Variants in RBFOX1 observed in about 807,000 individuals in gnomAD.
RBFOX1 encodes RNA binding fox-1 homolog 1, also known as RNA binding protein fox-1 homolog 1.
Under a neutral mutation model 57.7 loss-of-function variants are expected in RBFOX1, and 8 were observed. The ratio of observed to expected loss-of-function variants is 0.14; its 90% CI spans 0.08 to 0.25. The LOEUF (loss-of-function observed/expected upper bound fraction) is 0.25, where lower values mean the gene tolerates loss of function less well. Among genes scored for constraint, RBFOX1 ranks in the 10% least tolerant of loss-of-function variants. The pLI is 1.00. For missense variants in RBFOX1, 611 were observed against 548.5 expected, an observed-to-expected ratio of 1.11 and a Z score of -1.14; for synonymous variants, 326 against 222.4, an observed-to-expected ratio of 1.47 and a Z score of -4.15.
intron 1 of RBFOX1, among the ~76,000 whole-genome samples, chr16:6,284,466 C>T (rs750796334): frequency 2.0e-5 from 3 of 152,136 alleles, no homozygotes; most frequent in Non-Finnish European, 1.5e-5. Flanking sequence ...TTGAGGACAG[C>T]AGCCTGCAGA....
At chr16:7,243,608 C>T (rs572137459) in intron 4 of RBFOX1, among the ~76,000 whole-genome samples, 1 of 152,218 alleles carries the variant, frequency 6.6e-6, no homozygotes, top group South Asian at 2.1e-4. Context: ...AATGCAGTGG[C>T]ATGATAATAG....
At chr16:6,790,684 G>T (rs1411424141) in intron 3 of RBFOX1, among the ~76,000 whole-genome samples, 1 of 152,040 alleles carries the variant, frequency 6.6e-6, no homozygotes, top group Non-Finnish European at 1.5e-5. Flanking sequence ...TTGTATGGTG[G>T]ATGTGATTTC....
intron 3 of RBFOX1, among the ~76,000 whole-genome samples, chr16:6,679,892 T>G (rs967269776): frequency 3.8e-4 from 57 of 150,144 alleles, no homozygotes; most frequent in African/African-American, 1.3e-3. Context: ...TTTTTTTTTT[T>G]TTTTTTTTTT....
chr16:6,934,171 G>A (rs2077002450), intron 3 of RBFOX1, among the ~76,000 whole-genome samples: 1 of 152,144 alleles, frequency 6.6e-6, no homozygotes. Flanking sequence ...TTTCCTAACA[G>A]TATGTGCATA....
chr16:7,501,354 C>T (rs776089579), intron 4 of RBFOX1, among the ~76,000 whole-genome samples: 2 of 152,192 alleles, frequency 1.3e-5, no homozygotes, highest in Non-Finnish European at 2.9e-5. Flanking sequence ...ATTCATAAGA[C>T]AAAGGAATGC....
intron 3 of RBFOX1, among the ~76,000 whole-genome samples, chr16:5,791,187 C>T (rs768735099): frequency 1.1e-4 from 17 of 152,132 alleles, no homozygotes; most frequent in Non-Finnish European, 1.9e-4. Context: ...TAATTTGTCA[C>T]GCATGACTCA....
intron 4 of RBFOX1, among the ~76,000 whole-genome samples, chr16:5,921,271 T>A (rs1429727678): frequency 6.6e-6 from 1 of 152,212 alleles, no homozygotes; most frequent in Non-Finnish European, 1.5e-5. Flanking sequence ...GATCTTTCCC[T>A]CTTTCGCCTC....
At chr16:5,427,754 G>A (rs951380206) in intron 1 of RBFOX1, among the ~76,000 whole-genome samples, 27 of 152,146 alleles carry the variant, frequency 1.8e-4, no homozygotes, top group African/African-American at 6.3e-4. Flanking sequence ...TTTTGCTCAT[G>A]CCTTCACCTG....
intron 4 of RBFOX1, among the ~76,000 whole-genome samples, chr16:7,178,939 C>G (rs778371220): frequency 2.2e-4 from 33 of 152,310 alleles, no homozygotes; most frequent in Non-Finnish European, 4.4e-4. Context: ...AAGTCTCTCT[C>G]TGTTTATGGT....
At chr16:6,619,612 CT>C (rs1234963151) in intron 2 of RBFOX1, among the ~76,000 whole-genome samples, 3 of 151,392 alleles carry the variant, frequency 2.0e-5, no homozygotes, top group African/African-American at 7.3e-5. Context: ...AGGAGACTGC[CT>C]TTTTGGTGTG....
chr16:5,890,872 A>T (rs2058030174), intron 4 of RBFOX1, among the ~76,000 whole-genome samples: 1 of 152,108 alleles, frequency 6.6e-6, no homozygotes. Flanking sequence ...CAGGAAATGG[A>T]ATACGGTCAA....
intron 2 of RBFOX1, chr16:5,598,865 C>T (rs1182245738): frequency 6.9e-7 from 1 of 1,448,588 alleles, no homozygotes; most frequent in South Asian, 1.4e-5. Flanking sequence ...AACCCGGCTT[C>T]CCCAACCTTT....
At chr16:5,381,483 A>G (rs2066129799) in intron 1 of RBFOX1, among the ~76,000 whole-genome samples, 1 of 151,682 alleles carries the variant, frequency 6.6e-6, no homozygotes. Flanking sequence ...AAGATTCTGC[A>G]TTTCTAGCAA....
rs558701397 is a variant in RBFOX1 at position 5,629,010 on chromosome 16, A to G, written c.318+30049A>G. 2.0e-5 allele frequency among the ~76,000 whole-genome samples: 3 copies of G among 152,336 alleles called. No homozygotes were observed. The South Asian group carries it at 6.2e-4, about 32-fold the overall frequency. ...GTGAGTGCGATTAAATGTCTTTCTA[A>G]TGATGCCATCCAGGCCCCAAGCACC... On this transcript the variant is annotated intron_variant, in intron 3 of 19. Transcript: ENST00000641259.
chr16:7,041,572 G>A (rs535501988), intron 3 of RBFOX1, among the ~76,000 whole-genome samples: 3 of 152,110 alleles, frequency 2.0e-5, no homozygotes, highest in African/African-American at 7.2e-5. Flanking sequence ...TTGAATTAAA[G>A]GAAATGGAAG....
intron 1 of RBFOX1, among the ~76,000 whole-genome samples, chr16:5,440,023 G>A (rs2151536132): frequency 6.6e-6 from 1 of 152,306 alleles, no homozygotes; most frequent in East Asian, 1.9e-4. Context: ...CCATTTGATA[G>A]TATTTAAATT....
intron 1 of RBFOX1, among the ~76,000 whole-genome samples, chr16:5,342,724 C>A (rs2065058516): frequency 6.6e-6 from 1 of 152,142 alleles, no homozygotes; most frequent in Non-Finnish European, 1.5e-5. Context: ...CCCCAAAGCT[C>A]ATTTCACCTC....
chr16:7,699,035 C>T (rs1297302882), intron 14 of RBFOX1, among the ~76,000 whole-genome samples: 1 of 152,156 alleles, frequency 6.6e-6, no homozygotes, highest in Non-Finnish European at 1.5e-5. Flanking sequence ...GAACTTGTTA[C>T]AAATGCAGAG....
intron 3 of RBFOX1, among the ~76,000 whole-genome samples, chr16:6,998,925 G>A (rs1018890330): frequency 5.3e-5 from 8 of 150,792 alleles, no homozygotes; most frequent in Non-Finnish European, 1.5e-5. Flanking sequence ...CTGGAGTGCA[G>A]TGGCACGATC....
Sources: gnomAD v4.1 joint callset for allele counts (sites outside exome capture counted in the v4.1 genomes callset) on GRCh38, gnomAD v4.1.1 for gene constraint, MANE v1.5 for transcripts, NCBI Gene and HGNC (gene_info 2026-07-23, HGNC 2026-07-21) for gene names.